Variants in TIMMDC1 observed in about 807,000 individuals in gnomAD.
The protein encoded by TIMMDC1 is complex I assembly factor TIMMDC1, mitochondrial.
Under a neutral mutation model 32.6 loss-of-function variants are expected in TIMMDC1, and 25 were observed. That is an observed-to-expected ratio of 0.77 (90% CI 0.56 to 1.07). The LOEUF (loss-of-function observed/expected upper bound fraction) is 1.07, where lower values mean the gene tolerates loss of function less well. Among genes scored for constraint, TIMMDC1 ranks in the 50% least tolerant of loss-of-function variants. The pLI, the probability that TIMMDC1 is intolerant of heterozygous loss-of-function variation, is 0.00. For synonymous variants in TIMMDC1, 130 were observed against 127.6 expected (o/e 1.02, Z -0.13); for missense variants, 329 against 349.2 (o/e 0.94, Z 0.46).
rs900376210 is a variant in TIMMDC1 at position 119,525,070 on chromosome 3, A to G, written c.*1314A>G. ...CCTTTCCTCCTTGACTACTGCTTTG[A>G]CGTACCTAAATCATTCGTCTTACAT... On this transcript the variant is annotated 3_prime_UTR_variant, in exon 7 of 7. Transcript: ENST00000494664. The G allele has an allele frequency of 6.6e-6, 1 of 152,196 alleles. No individual in the cohort carries two copies. Among genetic ancestry groups the G allele is most frequent in the Admixed American group, 6.5e-5 (1 of 15,274 alleles). 9.4% of individuals were successfully genotyped at this position (152,196 alleles called of 1,614,324 possible).
rs2082050289 is a variant in TIMMDC1 at position 119,524,169 on chromosome 3, A to G, written c.*413A>G. 1 of 154,094 alleles carries G rather than the reference A, an allele frequency of 6.5e-6. No individual in the cohort carries two copies. Among genetic ancestry groups the G allele is most frequent in the Non-Finnish European group, 1.4e-5 (1 of 69,254 alleles). 9.5% of individuals were successfully genotyped at this position (154,094 alleles called of 1,614,324 possible). ...GAACCAGGTAGGCAAATGGTCTGTGAAACCCTTGGGTCCTGGAAGCAGTGT... is the reference window on the plus strand; with the variant it reads ...GAACCAGGTAGGCAAATGGTCTGTGGAACCCTTGGGTCCTGGAAGCAGTGT... On this transcript the variant is annotated 3_prime_UTR_variant, in exon 7 of 7. Transcript: ENST00000494664.
chr3:119,516,234 A>G (rs557126911), intron 5 of TIMMDC1, among the ~76,000 whole-genome samples: 7 of 152,214 alleles, frequency 4.6e-5, no homozygotes, highest in Non-Finnish European at 1.0e-4. Flanking sequence ...TATATGCATT[A>G]AAAACTAATT....
At position 119,523,785 on chromosome 3, in the gene TIMMDC1, G is replaced by A; in HGVS notation, c.*29G>A. The A allele has an allele frequency of 6.5e-7, 1 of 1,546,994 alleles. No homozygotes were observed. On this transcript the variant is annotated 3_prime_UTR_variant, in exon 7 of 7. Transcript: ENST00000494664. Reference sequence around the variant, plus strand: ...TGCTCTGAACTTGAAACTCACTGGAGAGCTGAAGGGAGCTGCCATGTCCGA... The same window carrying A: ...TGCTCTGAACTTGAAACTCACTGGAAAGCTGAAGGGAGCTGCCATGTCCGA...
At position 119,517,223 on chromosome 3, in the gene TIMMDC1, G is replaced by C. The variant is rs371825848; in HGVS notation, c.615G>C (p.Leu205=). 2 of 1,613,080 alleles carry C rather than the reference G, an allele frequency of 1.2e-6. No individual in the cohort carries two copies. The highest frequency in any genetic ancestry group is 1.7e-5 in the Admixed American group (1 of 59,982). The part of the protein sequence containing the change: ...GALLGTPVGG[L]LMAFQKYSGE... ...TTCTCAGCACTCCTGTAGGAGGCCT[G>C]CTGATGGCATTTCAGAAGTACTCTG... Residue 205 remains leucine (L), a synonymous_variant, in exon 6 of 7, where the codon CTG becomes CTC. Transcript: ENST00000494664.
At chr3:119,512,634 T>TA (rs2081961343) in intron 4 of TIMMDC1, among the ~76,000 whole-genome samples, 1 of 152,184 alleles carries the variant, frequency 6.6e-6, no homozygotes, top group Non-Finnish European at 1.5e-5. Flanking sequence ...AAAAAAAGAC[T>TA]AACTTATTAC....
At chr3:119,499,032 AT>A in intron 1 of TIMMDC1, 105 bp downstream of exon 1, 3 of 827,470 alleles carry the variant, frequency 3.6e-6, no homozygotes, top group Non-Finnish European at 5.8e-6. Context: ...GGTGTGCTTC[AT>A]TTTTAGATTA....
chr3:119,501,921 G>A (rs1231908869), intron 2 of TIMMDC1, among the ~76,000 whole-genome samples: 1 of 152,082 alleles, frequency 6.6e-6, no homozygotes, highest in Non-Finnish European at 1.5e-5. Flanking sequence ...TTTTTTGACA[G>A]GAATACCCTA....
chr3:119,499,925 T>C (rs1349481876), intron 1 of TIMMDC1, among the ~76,000 whole-genome samples: 1 of 152,208 alleles, frequency 6.6e-6, no homozygotes, highest in African/African-American at 2.4e-5. Flanking sequence ...ACTTTCCCAG[T>C]GCGTTTTTAA....
intron 4 of TIMMDC1, among the ~76,000 whole-genome samples, chr3:119,505,907 CT>C (rs201330093): frequency 2.0e-5 from 3 of 149,344 alleles, no homozygotes; most frequent in Admixed American, 6.7e-5. Context: ...ACAATTTGAA[CT>C]TTTTTTTTTA....
intron 1 of TIMMDC1, among the ~76,000 whole-genome samples, chr3:119,499,695 C>A (rs1180577485): frequency 6.6e-6 from 1 of 151,910 alleles, no homozygotes; most frequent in African/African-American, 2.4e-5. Context: ...GGATTACAGG[C>A]CTGAGCCACC....
chr3:119,520,234 G>A (rs1030499510), intron 6 of TIMMDC1, among the ~76,000 whole-genome samples: 1 of 151,848 alleles, frequency 6.6e-6, no homozygotes, highest in African/African-American at 2.4e-5. Flanking sequence ...CCCAAAATCA[G>A]AAGGAAATAA....
rs949729941 is a variant in TIMMDC1 at position 119,524,975 on chromosome 3, G to C, written c.*1219G>C. 6.6e-6 allele frequency: 1 copy of C among 152,158 alleles called. No individual in the cohort carries two copies. Among genetic ancestry groups the C allele is most frequent in the Non-Finnish European group, 1.5e-5 (1 of 68,032 alleles). 9.4% of individuals were successfully genotyped at this position (152,158 alleles called of 1,614,324 possible). ...TTCTCATAAATATTTTACAAATGAG[G>C]TCAAACTAGCATAAAGCCATTTAAA... On this transcript the variant is annotated 3_prime_UTR_variant, in exon 7 of 7. Transcript: ENST00000494664.
rs901925722 is a variant in TIMMDC1, at chr3:119,498,804, C to T, written c.71C>T (p.Ala24Val). 5.0e-6 allele frequency: 8 copies of T among 1,614,128 alleles called. No individual in the cohort carries two copies. In the African/African-American group the frequency reaches 1.1e-4, roughly 22 times the overall value. ...TTGTGCCTATTTCCCCGAGTCTTTGCTGCCGAAGCTGTGACTGCCGATTCG... is the reference window on the plus strand; with the variant it reads ...TTGTGCCTATTTCCCCGAGTCTTTGTTGCCGAAGCTGTGACTGCCGATTCG... ...RALCLFPRVF[A>V]AEAVTADSEV... is the part of the protein sequence containing the mutation. Residue 24 changes from alanine (A) to valine (V), a missense_variant, in exon 1 of 7, where the codon GCT (alanine) becomes GTT (valine). Coordinates refer to ENST00000494664, the MANE Select transcript of TIMMDC1 (RefSeq NM_016589.4).
At chr3:119,500,967 CAG>C in intron 2 of TIMMDC1, 107 bp downstream of exon 2, 1 of 1,144,132 alleles carries the variant, frequency 8.7e-7, no homozygotes, top group Non-Finnish European at 1.2e-6. Flanking sequence ...TTTAAGGTGT[CAG>C]AGTAAAGAAA....
In TIMMDC1 at chr3:119,503,572, A is replaced by T. The variant is rs376182550; in HGVS notation, c.401A>T (p.Tyr134Phe). The T allele has an allele frequency of 3.7e-5, 60 of 1,612,440 alleles. No homozygotes were observed. The highest frequency in any genetic ancestry group is 3.2e-4 in the African/African-American group (24 of 74,972). ...HRAATRGFIR[Y>F]GWRWGWRTAV... ...GCTGCCACACGAGGCTTCATTCGTTATGGCTGGCGCTGGGGTTGGAGAACT... is the reference window on the plus strand; with the variant it reads ...GCTGCCACACGAGGCTTCATTCGTTTTGGCTGGCGCTGGGGTTGGAGAACT... The change falls in exon 3 of 7, where the codon TAT becomes TTT. Residue 134 changes from tyrosine (Y) to phenylalanine (F), a missense_variant. Physicochemically the swap from Tyr to Phe is conservative, Grantham distance 22. Coordinates refer to ENST00000494664, the MANE Select transcript of TIMMDC1 (RefSeq NM_016589.4).
At chr3:119,517,167 C>A in intron 5 of TIMMDC1, 38 bp from the exon 6 acceptor site, 1 of 1,365,704 alleles carries the variant, frequency 7.3e-7, no homozygotes, top group Non-Finnish European at 1.0e-6. Flanking sequence ...GGTCTAATGA[C>A]TCGTTTTTCC....
intron 2 of TIMMDC1, among the ~76,000 whole-genome samples, chr3:119,501,698 A>G (rs1418670649): frequency 1.3e-5 from 2 of 152,202 alleles, no homozygotes; most frequent in Non-Finnish European, 2.9e-5. Context: ...TTCTTATTAA[A>G]AAATTAATTA....
chr3:119,507,116 T>C (rs1421982243), intron 4 of TIMMDC1, among the ~76,000 whole-genome samples: 1 of 152,234 alleles, frequency 6.6e-6, no homozygotes, highest in Non-Finnish European at 1.5e-5. Context: ...AGGTGTAATT[T>C]TGAGGAACAT....
At chr3:119,506,267 G>T (rs1267683438) in intron 4 of TIMMDC1, among the ~76,000 whole-genome samples, 1 of 152,180 alleles carries the variant, frequency 6.6e-6, no homozygotes, top group Non-Finnish European at 1.5e-5. Flanking sequence ...GCTCACGCCT[G>T]TAACCAGCAC....
Sources: allele counts gnomAD v4.1 joint callset (sites outside exome capture counted in the v4.1 genomes callset), GRCh38; gene constraint gnomAD v4.1.1; transcripts MANE v1.5; gene names NCBI Gene and HGNC (gene_info 2026-07-23, HGNC 2026-07-21).